The following SESN3 variants were observed in gnomAD, a reference collection of about 807,000 sequenced individuals.
SESN3 encodes sestrin 3, also known as sestrin-3.
In SESN3, 21 loss-of-function variants were observed where a neutral mutation model predicts 55.3. That is an observed-to-expected ratio of 0.38 (90% CI 0.27 to 0.55). The LOEUF (loss-of-function observed/expected upper bound fraction) is 0.55. SESN3 is among the 20% of genes least tolerant of loss of function. The probability of loss-of-function intolerance (pLI) is 0.76; values close to 1 mark genes in which losing one functional copy is unlikely to be tolerated. For synonymous variants in SESN3, 181 were observed against 203.1 expected (o/e 0.89, Z 0.93); for missense variants, 408 against 604.3 (o/e 0.68, Z 3.41).
chr11:95,222,058 A>G (rs74889809), intron 1 of SESN3, among the ~76,000 whole-genome samples: 2 of 152,226 alleles, frequency 1.3e-5, no homozygotes, highest in East Asian at 3.9e-4. Flanking sequence ...CTGGAACCCT[A>G]GGCTCACCTA....
intron 1 of SESN3, among the ~76,000 whole-genome samples, chr11:95,214,885 G>C (rs748108796): frequency 7.2e-5 from 11 of 152,028 alleles, no homozygotes; most frequent in African/African-American, 2.4e-4. Context: ...TTGATTTGTC[G>C]TAAACAAGCT....
In SESN3 at chr11:95,173,118, CAAAAAA is replaced by C. The variant is rs781304580; in HGVS notation, c.*131_*136del. ...CATTGCACATTACAGCCGCAAAAAA[CAAAAAA>C]AAAAAAACAAACGGCTAAACTTTGA... is the stretch of plus-strand genomic sequence containing the variant. On this transcript the variant is annotated 3_prime_UTR_variant, in exon 10 of 10. Transcript: ENST00000536441. 4 of 417,844 alleles carry C rather than the reference CAAAAAA, an allele frequency of 9.6e-6. No homozygotes were observed. Among genetic ancestry groups the C allele is most frequent in the African/African-American group, 6.8e-5 (3 of 44,198 alleles). The allele number at this position is 417,844 out of a possible 1,614,324, so 25.9% of individuals were successfully genotyped here.
intron 1 of SESN3, among the ~76,000 whole-genome samples, chr11:95,228,818 C>T (rs901776451): frequency 2.6e-5 from 4 of 152,200 alleles, no homozygotes; most frequent in Non-Finnish European, 5.9e-5. Flanking sequence ...AATGTGAATA[C>T]TCTTTTTCCA....
chr11:95,193,387 G>C, intron 2 of SESN3, 70 bp downstream of exon 2: 1 of 874,600 alleles, frequency 1.1e-6, no homozygotes, highest in Admixed American at 2.0e-5. Context: ...ATATTAACAG[G>C]AGATATTCTT....
chr11:95,211,623 G>T (rs11021078), intron 1 of SESN3, among the ~76,000 whole-genome samples: 12 of 151,872 alleles, frequency 7.9e-5, no homozygotes, highest in African/African-American at 2.9e-4. Context: ...TACAAAAATT[G>T]GCTGGGCATG....
intron 1 of SESN3, among the ~76,000 whole-genome samples, chr11:95,227,703 T>C (rs1055536059): frequency 1.3e-5 from 2 of 152,240 alleles, no homozygotes; most frequent in Admixed American, 1.3e-4. Flanking sequence ...TAGCACTAAC[T>C]GCTCAATACC....
At chr11:95,188,018 A>T (rs1860198242) in intron 4 of SESN3, among the ~76,000 whole-genome samples, 1 of 61,718 alleles carries the variant, frequency 1.6e-5, no homozygotes, top group African/African-American at 5.5e-5. Context: ...CCATGGCTTA[A>T]AAAAAAAAAA....
In SESN3 at chr11:95,184,456, C is replaced by T. The variant is rs757619434; in HGVS notation, c.901G>A (p.Val301Ile). 2 of 1,613,540 alleles carry T rather than the reference C, an allele frequency of 1.2e-6. No individual in the cohort carries two copies. Among genetic ancestry groups the T allele is most frequent in the South Asian group, 1.1e-5 (1 of 91,056 alleles). Reference sequence around the variant, plus strand: ...AATGAATGAAAAGTATCTCCAGAGACCACAAAAAGACTTTCTTTCTTCTCC... The same window carrying T: ...AATGAATGAAAAGTATCTCCAGAGATCACAAAAAGACTTTCTTTCTTCTCC... ...EKEKKESLFV[V>I]SGDTFHSFPH... The change falls in exon 6 of 10, where the codon GTC becomes ATC. Residue 301 changes from valine to isoleucine, a missense_variant. By Grantham distance (29) the Val-to-Ile change is conservative. Transcript: ENST00000536441.
In SESN3 at chr11:95,231,143, C is replaced by T. The variant is rs1161238313; in HGVS notation, c.-283G>A. 2.4e-6 allele frequency: 1 copy of T among 408,342 alleles called. No individual in the cohort carries two copies. The highest frequency in any genetic ancestry group is 2.2e-5 in the African/African-American group (1 of 46,252). The allele number at this position is 408,342 out of a possible 1,614,324, so 25.3% of individuals were successfully genotyped here. A position where few individuals can be genotyped will look rare whatever the true frequency, so the allele number is the denominator to read the frequency against. The stretch of plus-strand genomic sequence containing the variant: ...CTTCCAGACCCCCGCCCCCGCCAGG[C>T]TAGGACGAGCAGCCGCCACCGCTGC... On this transcript the variant is annotated 5_prime_UTR_variant, in exon 1 of 10. Coordinates refer to ENST00000536441, the MANE Select transcript of SESN3 (RefSeq NM_144665.4).
At chr11:95,223,634 G>A (rs1249192547) in intron 1 of SESN3, among the ~76,000 whole-genome samples, 1 of 152,178 alleles carries the variant, frequency 6.6e-6, no homozygotes. Flanking sequence ...GACAGCATCT[G>A]CAAGTGATAC....
chr11:95,188,841 T>C (rs1329461869), intron 4 of SESN3, among the ~76,000 whole-genome samples: 1 of 151,854 alleles, frequency 6.6e-6, no homozygotes, highest in Non-Finnish European at 1.5e-5. Flanking sequence ...CCAAAGTATC[T>C]GGCACAAAGT....
intron 4 of SESN3, among the ~76,000 whole-genome samples, chr11:95,186,920 T>C (rs1022306844): frequency 4.0e-5 from 6 of 151,844 alleles, no homozygotes; most frequent in African/African-American, 1.4e-4. Context: ...GGTTGCAATA[T>C]TGACTGAAAA....
At chr11:95,181,830 G>GGTAA (rs1860064001) in intron 6 of SESN3, among the ~76,000 whole-genome samples, 1 of 151,860 alleles carries the variant, frequency 6.6e-6, no homozygotes, top group Non-Finnish European at 1.5e-5. Flanking sequence ...TTTAAAACAT[G>GGTAA]GTAAGTCTAC....
chr11:95,220,893 G>A (rs1353754959), intron 1 of SESN3, among the ~76,000 whole-genome samples: 3 of 152,132 alleles, frequency 2.0e-5, no homozygotes, highest in Admixed American at 6.5e-5. Context: ...ATAATTCATC[G>A]CAGGTTAATT....
rs1224641269 is a variant in SESN3, at chr11:95,231,139, C to T, written c.-279G>A. The T allele has an allele frequency of 1.7e-5, 7 of 416,486 alleles. No homozygotes were observed. The highest frequency in any genetic ancestry group is 2.5e-5 in the Non-Finnish European group (6 of 237,846). 25.8% of individuals were successfully genotyped at this position (416,486 alleles called of 1,614,324 possible). The stretch of plus-strand genomic sequence containing the variant: ...CCATCTTCCAGACCCCCGCCCCCGC[C>T]AGGCTAGGACGAGCAGCCGCCACCG... On this transcript the variant is annotated 5_prime_UTR_variant, in exon 1 of 10. Coordinates refer to ENST00000536441, the MANE Select transcript of SESN3 (RefSeq NM_144665.4).
intron 1 of SESN3, among the ~76,000 whole-genome samples, chr11:95,200,337 TA>T (rs1860439127): frequency 6.6e-6 from 1 of 152,050 alleles, no homozygotes; most frequent in Non-Finnish European, 1.5e-5. Context: ...CCACTATCTC[TA>T]AAAGAAAAAT....
chr11:95,223,891 T>C (rs1265834314), intron 1 of SESN3, among the ~76,000 whole-genome samples: 1 of 152,202 alleles, frequency 6.6e-6, no homozygotes, highest in Non-Finnish European at 1.5e-5. Flanking sequence ...TAACTGCCCA[T>C]ATTTACTGTA....
chr11:95,199,677 AT>A (rs1288510071), intron 1 of SESN3, among the ~76,000 whole-genome samples: 3 of 152,100 alleles, frequency 2.0e-5, no homozygotes, highest in African/African-American at 7.2e-5. Context: ...AAGCTATTAA[AT>A]GCTTTAAAAT....
intron 1 of SESN3, among the ~76,000 whole-genome samples, chr11:95,207,861 A>C (rs1020600143): frequency 4.7e-5 from 7 of 150,188 alleles, no homozygotes; most frequent in Non-Finnish European, 8.9e-5. Flanking sequence ...TTTTGTAGAG[A>C]CTGGGTTTCA....
Sources: gnomAD v4.1 joint callset for allele counts (sites outside exome capture counted in the v4.1 genomes callset) on GRCh38, gnomAD v4.1.1 for gene constraint, MANE v1.5 for transcripts, NCBI Gene and HGNC (gene_info 2026-07-23, HGNC 2026-07-21) for gene names.